ARAP3: variants seen among roughly 807,000 people sequenced by gnomAD.
ARAP3 encodes the protein arf-GAP with Rho-GAP domain, ANK repeat and PH domain-containing protein 3.
In ARAP3, 82 loss-of-function variants were observed where a neutral mutation model predicts 169.2. The ratio of observed to expected loss-of-function variants is 0.48; its 90% CI spans 0.41 to 0.58. The LOEUF (loss-of-function observed/expected upper bound fraction) is 0.58, where lower values mean the gene tolerates loss of function less well. Ranked by LOEUF, ARAP3 falls within the 20% of genes least tolerant of loss-of-function variation. The probability of loss-of-function intolerance (pLI) is 0.00; values close to 1 mark genes in which losing one functional copy is unlikely to be tolerated. For synonymous variants in ARAP3, 791 were observed against 800.3 expected (o/e 0.99, Z 0.20); for missense variants, 1,764 against 2,018.0 (o/e 0.87, Z 2.41).
At chr5:141,670,710 G>A in intron 13 of ARAP3, 82 bp from the exon 14 acceptor site, 7 of 1,198,916 alleles carry the variant, frequency 5.8e-6, no homozygotes, top group Non-Finnish European at 7.3e-6. Context: ...ATGAAATGGA[G>A]AAAGACAGTG....
In ARAP3 at chr5:141,654,235, G is replaced by A; in HGVS notation, c.4350C>T (p.Leu1450=). The A allele has an allele frequency of 6.2e-7, 1 of 1,614,180 alleles. No homozygotes were observed. The highest frequency in any genetic ancestry group is 8.5e-7 in the Non-Finnish European group (1 of 1,180,024). The change falls in exon 33 of 33, where the codon CTC becomes CTT. Residue 1450 remains leucine (L), a synonymous_variant. Coordinates refer to ENST00000239440, the MANE Select transcript of ARAP3 (RefSeq NM_022481.6). The part of the protein sequence containing the change: ...TSQKSLDQPF[L]SKSSTLGQEE... ...CCTGGCCAAGGGTGCTTGACTTGGA[G>A]AGAAAGGGTTGATCCAATGACTTCT...
chr5:141,656,802 G>A lies in ARAP3; in HGVS notation c.3571C>T (p.Gln1191Ter). 1 of 1,613,038 alleles carries A rather than the reference G, an allele frequency of 6.2e-7. No homozygotes were observed. Among genetic ancestry groups the A allele is most frequent in the Non-Finnish European group, 8.5e-7 (1 of 1,179,580 alleles). The change falls in exon 26 of 33, where the codon CAA becomes TAA. Residue 1191 changes from glutamine to a stop codon, truncating the protein, a stop_gained. Transcript: ENST00000239440. LOFTEE classifies it high-confidence loss of function. ...PKEKVLEQALQWCQLPEPCSA... is the reference protein window; with the variant it reads ...PKEKVLEQAL ...CAGGGCTCTGGGAGCTGGCACCATTGTAAAGCCTGCTCTAAGACCTTTTCC... is the reference window on the plus strand; with the variant it reads ...CAGGGCTCTGGGAGCTGGCACCATTATAAAGCCTGCTCTAAGACCTTTTCC...
chr5:141,673,959 C>A, intron 4 of ARAP3, 151 bp from the exon 5 acceptor site: 34 of 363,534 alleles, frequency 9.4e-5, no homozygotes, highest in Non-Finnish European at 1.4e-4. Flanking sequence ...TTCTTTTCTT[C>A]TTTTTTTTTT....
rs1455218409 is a variant in ARAP3 at position 141,680,050 on chromosome 5, G to A, written c.437C>T (p.Ser146Phe). 2 of 1,614,202 alleles carry A rather than the reference G, an allele frequency of 1.2e-6. No individual in the cohort carries two copies. The highest frequency in any genetic ancestry group is 1.7e-5 in the Admixed American group (1 of 60,024). Residue 146 changes from serine (S) to phenylalanine (F), a missense_variant, in exon 2 of 33, where the codon TCT (serine) becomes TTT (phenylalanine). Physicochemically the swap from Ser to Phe is radical, Grantham distance 155. This residue lies in a region of ARAP3 where 630 missense variants were observed against 678.7 expected (regional missense o/e 0.93). Coordinates refer to ENST00000239440, the MANE Select transcript of ARAP3 (RefSeq NM_022481.6). ...CATCTCCACAGTATTTAGGGCTGAA[G>A]ACTGCTCAGAGGAGGAAGTGGGGAG... Reference protein sequence around the residue: ...PPLPTSSSEQSSALNTVEMMP... With the variant: ...PPLPTSSSEQFSALNTVEMMP...
At chr5:141,661,571 C>G in intron 21 of ARAP3, 113 bp downstream of exon 21, 2 of 1,152,868 alleles carry the variant, frequency 1.7e-6, no homozygotes, top group Non-Finnish European at 2.5e-6. Context: ...GATACCTTCA[C>G]TTAACAACTG....
intron 19 of ARAP3, among the ~76,000 whole-genome samples, chr5:141,663,093 C>T (rs1218621007): frequency 6.6e-6 from 1 of 152,162 alleles, no homozygotes; most frequent in Non-Finnish European, 1.5e-5. Flanking sequence ...AGCATAACTA[C>T]CACAAATAAC....
chr5:141,677,947 G>C (rs1420048761), intron 4 of ARAP3, among the ~76,000 whole-genome samples: 3 of 136,010 alleles, frequency 2.2e-5, no homozygotes, highest in Non-Finnish European at 3.2e-5. Flanking sequence ...ACCACCCCCA[G>C]CTATTTTTTT....
At chr5:141,669,141 G>A (rs942958871) in intron 16 of ARAP3, among the ~76,000 whole-genome samples, 7 of 152,284 alleles carry the variant, frequency 4.6e-5, no homozygotes, top group African/African-American at 1.7e-4. Flanking sequence ...CCACCCTACA[G>A]ATGTGGAAAA....
rs2099909981 is a variant in ARAP3 at position 141,661,575 on chromosome 5, A to C, written c.3119+109T>G. ...CTTAGTGCTATGATACCTTCACTTA[A>C]CAACTGTTTGTGGAATGAACAAATG... On this transcript the variant is annotated intron_variant, in intron 21 of 32. Transcript: ENST00000239440. 3.4e-6 allele frequency: 4 copies of C among 1,178,672 alleles called. No homozygotes were observed. In the Admixed American group the frequency reaches 7.7e-5, roughly 23 times the overall value. 73.0% of individuals were successfully genotyped at this position (1,178,672 alleles called of 1,614,324 possible).
intron 4 of ARAP3, among the ~76,000 whole-genome samples, chr5:141,676,296 C>T (rs1351773444): frequency 6.6e-6 from 1 of 151,700 alleles, no homozygotes; most frequent in Non-Finnish European, 1.5e-5. Flanking sequence ...TGCAATGAGC[C>T]GAGATCACAC....
intron 25 of ARAP3, 125 bp downstream of exon 25, chr5:141,658,240 G>C: frequency 1.1e-6 from 1 of 882,346 alleles, no homozygotes; most frequent in Non-Finnish European, 1.8e-6. Flanking sequence ...TCGCATGGAT[G>C]AGTGGATGAG....
chr5:141,671,348 A>G lies in ARAP3; in HGVS notation c.1907T>C (p.Leu636Pro). The change falls in exon 13 of 33, where the codon CTC becomes CCC. Residue 636 changes from leucine (L) to proline (P), a missense_variant. This residue lies in a region of ARAP3 where 1,112 missense variants were observed against 1,285.7 expected (regional missense o/e 0.86). Transcript: ENST00000239440. The surrounding 1 kb of genome is among the most constrained non-coding windows in gnomAD (Gnocchi z 4.9). ...RPNLLKNMTQ[L>P]LCVEAFEGEE... The stretch of plus-strand genomic sequence containing the variant: ...GCCTTCAAAGGCCTCAACACAGAGG[A>G]GCTGGGTCATGTTCTTCAGCAGGTT... The G allele has an allele frequency of 1.2e-6, 2 of 1,613,732 alleles. No individual in the cohort carries two copies. The highest frequency in any genetic ancestry group is 1.7e-6 in the Non-Finnish European group (2 of 1,179,852).
chr5:141,658,338 T>C, intron 25 of ARAP3, 27 bp downstream of exon 25: 1 of 1,609,922 alleles, frequency 6.2e-7, no homozygotes, highest in Non-Finnish European at 8.5e-7. Context: ...TACACATGCA[T>C]GAACACACAG....
At position 141,655,631 on chromosome 5, in the gene ARAP3, T is replaced by C. The variant is rs145534243; in HGVS notation, c.4100A>G (p.Asn1367Ser). ...DDSGATLLSA[N>S]QTLRRLHNRR... ...GGTGGGGTGCCTTACCAGGGTCTGATTGGCAGAGAGGAGGGTGGCTCCACT... is the reference window on the plus strand; with the variant it reads ...GGTGGGGTGCCTTACCAGGGTCTGACTGGCAGAGAGGAGGGTGGCTCCACT... The change falls in exon 31 of 33, where the codon AAT becomes AGT. Residue 1367 changes from asparagine to serine, a missense_variant. By Grantham distance (46) the Asn-to-Ser change is conservative. Transcript: ENST00000239440. 1.1e-4 allele frequency: 175 copies of C among 1,613,920 alleles called. No individual in the cohort carries two copies. In the East Asian group the frequency reaches 3.5e-3, roughly 32 times the overall value.
At chr5:141,668,415 G>A (rs575377519) in intron 16 of ARAP3, among the ~76,000 whole-genome samples, 2 of 152,232 alleles carry the variant, frequency 1.3e-5, no homozygotes, top group East Asian at 3.9e-4. Context: ...TTTATAATTA[G>A]ATTCAACACA....
intron 18 of ARAP3, 69 bp from the exon 19 acceptor site, chr5:141,665,154 A>C: frequency 6.4e-7 from 1 of 1,568,364 alleles, no homozygotes; most frequent in Non-Finnish European, 8.6e-7. Flanking sequence ...CAGACTTCCC[A>C]GAGCCACCAG....
chr5:141,670,144 G>A (rs144450580), intron 14 of ARAP3, 81 bp from the exon 15 acceptor site: 317 of 1,526,504 alleles, frequency 2.1e-4, no homozygotes, highest in Non-Finnish European at 2.6e-4. Context: ...TATTTATTCT[G>A]TGCCAAGCCC....
In ARAP3 at chr5:141,671,211, A is replaced by ATCAGTTCT; in HGVS notation, c.1990+53_1990+54insAGAACTGA. On this transcript the variant is annotated intron_variant, in intron 13 of 32. Transcript: ENST00000239440. This position sits in a 1 kb window ranked among gnomAD's most constrained non-coding sequence, Gnocchi z 4.9. ...GGGCCCCTTGGAAGAACTGAATCATAGGTTGGGTCTGAGAATTCCTGTAGG... is the reference window on the plus strand; with the variant it reads ...GGGCCCCTTGGAAGAACTGAATCATATCAGTTCTGGTTGGGTCTGAGAATTCCTGTAGG... 6.5e-7 allele frequency: 1 copy of ATCAGTTCT among 1,539,848 alleles called. No individual in the cohort carries two copies. The highest frequency in any genetic ancestry group is 8.8e-7 in the Non-Finnish European group (1 of 1,142,542).
intron 21 of ARAP3, 92 bp from the exon 22 acceptor site, chr5:141,660,018 G>C: frequency 6.9e-7 from 1 of 1,443,058 alleles, no homozygotes; most frequent in Middle Eastern, 1.8e-4. Flanking sequence ...TAAGTGCTTG[G>C]AATACAGCAG....
Sources: gnomAD v4.1 joint callset for allele counts (sites outside exome capture counted in the v4.1 genomes callset) on GRCh38, gnomAD v4.1.1 for gene constraint, gnomAD v4.1.1 regional missense constraint, Gnocchi (gnomAD v3.1) non-coding constraint, MANE v1.5 for transcripts, NCBI Gene and HGNC (gene_info 2026-07-23, HGNC 2026-07-21) for gene names.